Variants in ADGRE1 observed in about 807,000 individuals in gnomAD.
The protein encoded by ADGRE1 is adhesion G protein-coupled receptor E1.
A neutral mutation model predicts 102.7 loss-of-function variants in ADGRE1; 82 were observed. The observed-to-expected ratio is 0.80, with a 90% CI of 0.67 to 0.96. The LOEUF is 0.96. Among genes scored for constraint, ADGRE1 ranks in the 40% least tolerant of loss-of-function variants. The pLI is 0.00. For synonymous variants in ADGRE1, 398 were observed against 399.6 expected (o/e 1.00, Z 0.05); for missense variants, 1,032 against 1,085.3 (o/e 0.95, Z 0.69).
chr19:6,890,573 T>G (rs1380574440), intron 2 of ADGRE1, 30 bp downstream of exon 2: 1 of 1,605,278 alleles, frequency 6.2e-7, no homozygotes, highest in East Asian at 2.2e-5. Context: ...TGCAGATGCC[T>G]GAAGGGGTAG....
chr19:6,936,116 T>C (rs1975391364), intron 18 of ADGRE1, among the ~76,000 whole-genome samples: 1 of 152,216 alleles, frequency 6.6e-6, no homozygotes, highest in African/African-American at 2.4e-5. Context: ...TTATCCATTT[T>C]AAATATGTTT....
In ADGRE1 at chr19:6,917,694, C is replaced by T. The variant is rs558967736; in HGVS notation, c.1420+1326C>T. ...GGTGGAGGCTGCAGTGAGCTGAGATCGCGCCACTGCACTCCAGCCTGGGTG... is the reference window on the plus strand; with the variant it reads ...GGTGGAGGCTGCAGTGAGCTGAGATTGCGCCACTGCACTCCAGCCTGGGTG... On this transcript the variant is annotated intron_variant, in intron 12 of 20. Transcript: ENST00000312053. 3.1e-4 allele frequency among the ~76,000 whole-genome samples: 46 copies of T among 146,886 alleles called. No individual in the cohort carries two copies. In the South Asian group the frequency reaches 3.9e-3, roughly 12 times the overall value.
At chr19:6,920,773 G>T (rs1444375730) in intron 13 of ADGRE1, among the ~76,000 whole-genome samples, 1 of 152,088 alleles carries the variant, frequency 6.6e-6, no homozygotes. Context: ...GCCTCCTGAA[G>T]TGCTGGGATT....
At chr19:6,906,325 A>C (rs1003660688) in intron 8 of ADGRE1, 108 bp from the exon 9 acceptor site, 4 of 868,432 alleles carry the variant, frequency 4.6e-6, no homozygotes, top group Non-Finnish European at 7.5e-6. Context: ...TATTAGGGTA[A>C]TAGATGGATT....
rs777323318 is a variant in ADGRE1, at chr19:6,928,242, T to G, written c.2289+31T>G. On this transcript the variant is annotated intron_variant, in intron 17 of 20. Transcript: ENST00000312053. ...CAAATACTACAACAGCCTGGCGAAG[T>G]GTGTTCTGAAGGAGGAGCAAGGAGA... The G allele has an allele frequency of 4.3e-6, 7 of 1,613,982 alleles. No homozygotes were observed. In the East Asian group the frequency reaches 1.1e-4, roughly 26 times the overall value.
intron 13 of ADGRE1, among the ~76,000 whole-genome samples, chr19:6,920,635 C>G (rs369424053): frequency 6.9e-6 from 1 of 145,798 alleles, no homozygotes; most frequent in Non-Finnish European, 1.5e-5. Context: ...GCCATTCTCC[C>G]GAGTAGCTGG....
rs190262331 is a variant in ADGRE1 at position 6,912,103 on chromosome 19, C to T, written c.1123-1550C>T. On this transcript the variant is annotated intron_variant, in intron 10 of 20. Transcript: ENST00000312053. Reference sequence around the variant, plus strand: ...ACACAAACACACATATATACACACACGTATACATACATATACACAAACACA... The same window carrying T: ...ACACAAACACACATATATACACACATGTATACATACATATACACAAACACA... Among the ~76,000 whole-genome samples, 158 of 150,864 alleles carry T rather than the reference C, an allele frequency of 1.0e-3. 1 individual carries two copies. The highest frequency in any genetic ancestry group is 6.0e-3 in the Admixed American group (91 of 15,250).
intron 20 of ADGRE1, 51 bp from the exon 21 acceptor site, chr19:6,939,973 T>G (rs1975604792): frequency 6.2e-7 from 1 of 1,606,078 alleles, no homozygotes; most frequent in South Asian, 1.1e-5. Context: ...TGGAATCACG[T>G]TTGTATTAAT....
intron 20 of ADGRE1, among the ~76,000 whole-genome samples, chr19:6,939,053 C>T (rs1046013098): frequency 2.6e-5 from 4 of 152,048 alleles, no homozygotes; most frequent in Non-Finnish European, 4.4e-5. Flanking sequence ...GCCTCAGCCT[C>T]CCAAAGTTCT....
At chr19:6,906,992 C>G (rs1199840815) in intron 9 of ADGRE1, among the ~76,000 whole-genome samples, 3 of 152,118 alleles carry the variant, frequency 2.0e-5, no homozygotes, top group African/African-American at 7.2e-5. Flanking sequence ...ATATTGGAGT[C>G]TTCCTGCCAG....
In ADGRE1 at chr19:6,924,812, CGT is replaced by C; in HGVS notation, c.1931_1932del (p.Cys644SerfsTer16). 2.5e-6 allele frequency: 4 copies of C among 1,614,160 alleles called. No homozygotes were observed. The highest frequency in any genetic ancestry group is 3.4e-6 in the Non-Finnish European group (4 of 1,180,030). On this transcript the variant is annotated frameshift_variant, in exon 15 of 21. Coordinates refer to ENST00000312053, the MANE Select transcript of ADGRE1 (RefSeq NM_001974.5). LOFTEE classifies it high-confidence loss of function. The stretch of plus-strand genomic sequence containing the variant: ...ACACCTACCTCCACCTGCACCTCTG[CGT>C]GTGTCTCCTCTTGGCGAAGACTCTC... The part of the protein sequence containing the change: ...HNTYLHLHLC[V>X]CLLLAKTLFL...
intron 13 of ADGRE1, 76 bp downstream of exon 13, chr19:6,919,823 A>T: frequency 7.0e-7 from 1 of 1,432,910 alleles, no homozygotes; most frequent in Non-Finnish European, 9.7e-7. Flanking sequence ...CTTAACTCTC[A>T]TTTTTTACGG....
intron 10 of ADGRE1, among the ~76,000 whole-genome samples, chr19:6,909,983 C>T (rs1302569501): frequency 6.7e-6 from 1 of 148,714 alleles, no homozygotes; most frequent in East Asian, 1.9e-4. Context: ...ATCCACCTGC[C>T]TCGGCCTCCC....
intron 5 of ADGRE1, among the ~76,000 whole-genome samples, chr19:6,899,039 T>A (rs1973675767): frequency 6.6e-6 from 1 of 152,224 alleles, no homozygotes; most frequent in African/African-American, 2.4e-5. Flanking sequence ...CTACTTGCTT[T>A]GTGATCTCAG....
At chr19:6,939,925 T>G in intron 20 of ADGRE1, 99 bp from the exon 21 acceptor site, 1 of 1,301,882 alleles carries the variant, frequency 7.7e-7, no homozygotes, top group South Asian at 1.2e-5. Context: ...TCTTTGTTAC[T>G]GTATTTTTAA....
At chr19:6,917,892 T>C (rs1474827250) in intron 12 of ADGRE1, among the ~76,000 whole-genome samples, 1 of 152,138 alleles carries the variant, frequency 6.6e-6, no homozygotes, top group African/African-American at 2.4e-5. Context: ...AAATAAATCC[T>C]CTGGCTGTGA....
At chr19:6,904,651 G>A (rs1009822187) in intron 8 of ADGRE1, among the ~76,000 whole-genome samples, 11 of 151,472 alleles carry the variant, frequency 7.3e-5, no homozygotes, top group African/African-American at 1.2e-4. Flanking sequence ...GACTACAGGC[G>A]CCCGCCACCA....
intron 8 of ADGRE1, among the ~76,000 whole-genome samples, chr19:6,905,795 A>G (rs973123939): frequency 6.6e-6 from 1 of 152,216 alleles, no homozygotes; most frequent in African/African-American, 2.4e-5. Context: ...ATGAAGTATA[A>G]CAAGCAAATG....
rs1568337925 is a variant in ADGRE1, at chr19:6,897,510, T to G, written c.477T>G (p.Cys159Trp). The G allele has an allele frequency of 6.3e-7, 1 of 1,592,806 alleles. No homozygotes were observed. The highest frequency in any genetic ancestry group is 8.5e-7 in the Non-Finnish European group (1 of 1,172,366). Residue 159 changes from cysteine (C) to tryptophan (W), a missense_variant, in exon 5 of 21, where the codon TGT (cysteine) becomes TGG (tryptophan). Transcript: ENST00000312053. The part of the protein sequence containing the change: ...VNSMGSYSCS[C>W]QVGFISRNST... Reference sequence around the variant, plus strand: ...CCATGGGAAGCTACAGTTGCAGCTGTCAAGTTGGATTCATCTCTAGAAACT... The same window carrying G: ...CCATGGGAAGCTACAGTTGCAGCTGGCAAGTTGGATTCATCTCTAGAAACT...
Sources: allele counts gnomAD v4.1 joint callset (sites outside exome capture counted in the v4.1 genomes callset), GRCh38; gene constraint gnomAD v4.1.1; transcripts MANE v1.5; gene names NCBI Gene and HGNC (gene_info 2026-07-23, HGNC 2026-07-21).